Variants in POU6F2 observed in about 807,000 individuals in gnomAD.
POU6F2 encodes the protein POU class 6 homeobox 2, also known as POU domain, class 6, transcription factor 2.
Under a neutral mutation model 71.3 loss-of-function variants are expected in POU6F2, and 31 were observed. The observed-to-expected ratio is 0.43, with a 90% CI of 0.33 to 0.59. The LOEUF (loss-of-function observed/expected upper bound fraction) is 0.59. POU6F2 is among the 20% of genes least tolerant of loss of function. The pLI, the probability that POU6F2 is intolerant of heterozygous loss-of-function variation, is 0.04. For missense variants in POU6F2, 783 were observed against 856.8 expected (o/e 0.91, Z 1.07); for synonymous variants, 347 against 355.7 (o/e 0.98, Z 0.27).
At chr7:39,288,343 C>T (rs1339491081) in intron 4 of POU6F2, among the ~76,000 whole-genome samples, 1 of 152,196 alleles carries the variant, frequency 6.6e-6, no homozygotes, top group Non-Finnish European at 1.5e-5. Context: ...CCTCTCTGAG[C>T]TTCAACATCC....
At position 39,431,215 on chromosome 7, in the gene POU6F2, A is replaced by C. The variant is rs117438405; in HGVS notation, c.1114-1862A>C. The stretch of plus-strand genomic sequence containing the variant: ...GACCACTCTCACAGTAATTACCTGA[A>C]CTTTATTGGCCTCCATTGACAAATG... On this transcript the variant is annotated intron_variant, in intron 6 of 9. Transcript: ENST00000518318. 9.9e-3 allele frequency among the ~76,000 whole-genome samples: 1,508 copies of C among 152,232 alleles called. 24 individuals are homozygous for C. The highest frequency in any genetic ancestry group is 0.061 in the East Asian group (313 of 5,158).
At chr7:39,210,420 A>G (rs563141400) in intron 4 of POU6F2, among the ~76,000 whole-genome samples, 15 of 152,186 alleles carry the variant, frequency 9.9e-5, no homozygotes, top group Non-Finnish European at 1.9e-4. Flanking sequence ...GGAAAAAAAA[A>G]AGTTGCTGAC....
intron 2 of POU6F2, among the ~76,000 whole-genome samples, chr7:39,106,412 T>G (rs1225784160): frequency 1.3e-5 from 2 of 152,218 alleles, no homozygotes; most frequent in African/African-American, 4.8e-5. Context: ...ATGCTATAAC[T>G]GTGCTGTAAT....
intron 2 of POU6F2, among the ~76,000 whole-genome samples, chr7:39,187,766 C>G (rs1265330703): frequency 1.3e-5 from 2 of 152,118 alleles, no homozygotes; most frequent in East Asian, 3.8e-4. Flanking sequence ...TTTTTTGGAC[C>G]TGTGGGAGAT....
At chr7:39,397,318 T>C (rs1787192449) in intron 5 of POU6F2, among the ~76,000 whole-genome samples, 1 of 11,604 alleles carries the variant, frequency 8.6e-5, no homozygotes, top group Admixed American at 1.8e-3. Flanking sequence ...TTGTAAAGTA[T>C]ATATATTATA....
At chr7:39,417,155 G>C (rs1787699712) in intron 6 of POU6F2, among the ~76,000 whole-genome samples, 1 of 152,208 alleles carries the variant, frequency 6.6e-6, no homozygotes, top group Non-Finnish European at 1.5e-5. Context: ...CATTATCGGA[G>C]AGGAGAAAAC....
At chr7:39,458,911 C>T (rs1788875342) in intron 8 of POU6F2, among the ~76,000 whole-genome samples, 1 of 152,104 alleles carries the variant, frequency 6.6e-6, no homozygotes, top group Admixed American at 6.6e-5. Flanking sequence ...CTGAAAACTG[C>T]CCATTGGGAA....
intron 2 of POU6F2, among the ~76,000 whole-genome samples, chr7:39,142,703 T>A (rs951403141): frequency 6.6e-6 from 1 of 152,228 alleles, no homozygotes; most frequent in Non-Finnish European, 1.5e-5. Flanking sequence ...ACTTAGTATT[T>A]GTTAAATTCC....
rs544948429 is a variant in POU6F2, at chr7:39,448,434, G to A, written c.1321-3099G>A. Among the ~76,000 whole-genome samples the A allele has an allele frequency of 4.2e-3, 642 of 152,202 alleles. 5 individuals carry two copies. Among genetic ancestry groups the A allele is most frequent in the African/African-American group, 0.014 (589 of 41,532 alleles). On this transcript the variant is annotated intron_variant, in intron 7 of 9. Transcript: ENST00000518318. ...CTGAACTGTTTGGTTGAACTCTAGA[G>A]GTAAGCAGAACCCCAGTGTCCTAAA... is the stretch of plus-strand genomic sequence containing the variant.
chr7:39,334,538 A>G (rs2115583199), intron 4 of POU6F2, among the ~76,000 whole-genome samples: 1 of 151,678 alleles, frequency 6.6e-6, no homozygotes, highest in South Asian at 2.1e-4. Flanking sequence ...ATAAAGGCAG[A>G]CCTCCCAGCA....
At chr7:39,082,794 G>GCACGCACA (rs1791151631) in intron 1 of POU6F2, among the ~76,000 whole-genome samples, 3 of 137,078 alleles carry the variant, frequency 2.2e-5, no homozygotes, top group Non-Finnish European at 4.7e-5. Context: ...ACCATGTCAT[G>GCACGCACA]CACACACACA....
chr7:39,212,908 A>G (rs1385944555), intron 4 of POU6F2, among the ~76,000 whole-genome samples: 3 of 152,188 alleles, frequency 2.0e-5, no homozygotes, highest in African/African-American at 7.2e-5. Context: ...TTTGAAACAT[A>G]GGCAGGAAAT....
chr7:38,978,086 C>T lies in POU6F2; in HGVS notation c.105+28C>T, dbSNP rs372612500. The T allele has an allele frequency of 5.9e-5, 9 of 152,280 alleles. No homozygotes were observed. The East Asian group carries it at 1.4e-3, about 23-fold the overall frequency. 9.4% of individuals were successfully genotyped at this position (152,280 alleles called of 1,614,324 possible). The stretch of plus-strand genomic sequence containing the variant: ...ATGGAGTCAGCCATTTCTCAACTCC[C>T]CTTTTTTCCACAAGGGTCTCACCAT... On this transcript the variant is annotated intron_variant, in intron 1 of 9. Transcript: ENST00000518318.
At chr7:39,359,970 G>A (rs1482451579) in intron 5 of POU6F2, among the ~76,000 whole-genome samples, 3 of 152,130 alleles carry the variant, frequency 2.0e-5, no homozygotes, top group African/African-American at 7.2e-5. Flanking sequence ...TAATGTAAAT[G>A]CCATTTTTGT....
At chr7:39,275,154 A>G (rs1784413109) in intron 4 of POU6F2, among the ~76,000 whole-genome samples, 1 of 152,176 alleles carries the variant, frequency 6.6e-6, no homozygotes, top group Non-Finnish European at 1.5e-5. Flanking sequence ...AGAAAACCCC[A>G]TTGTCTCAGC....
chr7:39,369,708 T>C (rs1441618689), intron 5 of POU6F2, among the ~76,000 whole-genome samples: 3 of 152,062 alleles, frequency 2.0e-5, no homozygotes, highest in African/African-American at 7.2e-5. Context: ...TTCAGAGATG[T>C]GGTCTTGCTC....
intron 2 of POU6F2, among the ~76,000 whole-genome samples, chr7:39,179,660 C>T (rs1013339430): frequency 6.6e-6 from 1 of 152,162 alleles, no homozygotes; most frequent in Non-Finnish European, 1.5e-5. Context: ...CTGCAGTTGC[C>T]GCCGGCTCAT....
intron 5 of POU6F2, among the ~76,000 whole-genome samples, chr7:39,367,942 G>A (rs1424826206): frequency 6.6e-6 from 1 of 152,222 alleles, no homozygotes; most frequent in African/African-American, 2.4e-5. Flanking sequence ...AAATTTAATC[G>A]ATAAATGTTG....
intron 5 of POU6F2, among the ~76,000 whole-genome samples, chr7:39,384,295 G>T (rs1397891644): frequency 6.6e-6 from 1 of 152,200 alleles, no homozygotes; most frequent in Admixed American, 6.5e-5. Flanking sequence ...AGACAACATG[G>T]CTGGGCTGTT....
Sources: allele counts gnomAD v4.1 joint callset (sites outside exome capture counted in the v4.1 genomes callset), GRCh38; gene constraint gnomAD v4.1.1; transcripts MANE v1.5; gene names NCBI Gene and HGNC (gene_info 2026-07-23, HGNC 2026-07-21).